ZDHHC17: variants seen among roughly 807,000 people sequenced by gnomAD.
ZDHHC17 encodes the protein zDHHC palmitoyltransferase 17.
Under a neutral mutation model 90.3 loss-of-function variants are expected in ZDHHC17, and 40 were observed. The observed-to-expected ratio is 0.44, with a 90% CI of 0.34 to 0.58. The LOEUF (loss-of-function observed/expected upper bound fraction) is 0.58. Ranked by LOEUF, ZDHHC17 falls within the 20% of genes least tolerant of loss-of-function variation. The pLI, the probability that ZDHHC17 is intolerant of heterozygous loss-of-function variation, is 0.01. For missense variants in ZDHHC17, 614 were observed against 780.8 expected (o/e 0.79, Z 2.55); for synonymous variants, 235 against 252.4 (o/e 0.93, Z 0.65).
chr12:76,785,377 T>G lies in ZDHHC17; in HGVS notation c.94-12057T>G, dbSNP rs75936509. On this transcript the variant is annotated intron_variant, in intron 1 of 16. Transcript: ENST00000426126. ...CATTTTTTTTGCAAACTTTTTGAAG[T>G]CCCCTCATACTCGTCACCTTACGAT... 3.3e-3 allele frequency among the ~76,000 whole-genome samples: 497 copies of G among 152,260 alleles called. 3 individuals carry two copies. The highest frequency in any genetic ancestry group is 0.011 in the African/African-American group (467 of 41,550).
chr12:76,810,081 C>G lies in ZDHHC17; in HGVS notation c.543+224C>G, dbSNP rs554378825. Among the ~76,000 whole-genome samples, 85 of 152,106 alleles carry G rather than the reference C, an allele frequency of 5.6e-4. 2 individuals are homozygous for G. The South Asian group carries it at 0.017, about 31-fold the overall frequency. On this transcript the variant is annotated intron_variant, in intron 5 of 16. Coordinates refer to ENST00000426126, the MANE Select transcript of ZDHHC17 (RefSeq NM_015336.4). ...AATGATGAAGTTGGGTTTTTTATTT[C>G]TAAGAGTAATGGAGATAAAGCTCAG...
intron 1 of ZDHHC17, among the ~76,000 whole-genome samples, chr12:76,766,812 G>A (rs2137703848): frequency 6.6e-6 from 1 of 152,148 alleles, no homozygotes; most frequent in East Asian, 1.9e-4. Context: ...TTGAGCCCAG[G>A]AGTTCGAGAC....
chr12:76,815,067 T>C, intron 5 of ZDHHC17, 79 bp from the exon 6 acceptor site: 4 of 906,804 alleles, frequency 4.4e-6, no homozygotes, highest in Non-Finnish European at 6.7e-6. Context: ...CTTTTATATA[T>C]AGATTAGATT....
chr12:76,850,646 A>T (rs1203430408), intron 16 of ZDHHC17, among the ~76,000 whole-genome samples: 3 of 152,262 alleles, frequency 2.0e-5, no homozygotes, highest in Non-Finnish European at 2.9e-5. Context: ...AATTGGCAAA[A>T]GAAAAAATCA....
intron 1 of ZDHHC17, among the ~76,000 whole-genome samples, chr12:76,772,827 G>A (rs1392040292): frequency 2.0e-5 from 3 of 151,624 alleles, no homozygotes; most frequent in Non-Finnish European, 4.4e-5. Flanking sequence ...TTACAGGCGT[G>A]AGCCACCGCG....
chr12:76,826,470 AT>A, intron 8 of ZDHHC17, among the ~76,000 whole-genome samples: 1 of 152,218 alleles, frequency 6.6e-6, no homozygotes, highest in East Asian at 1.9e-4. Context: ...ACTATTTATC[AT>A]TTGAAATGTC....
rs1953498929 is a variant in ZDHHC17, at chr12:76,846,695, T to G, written c.1507+16T>G. 1.9e-6 allele frequency: 3 copies of G among 1,581,008 alleles called. No homozygotes were observed. The highest frequency in any genetic ancestry group is 2.6e-6 in the Non-Finnish European group (3 of 1,159,030). On this transcript the variant is annotated intron_variant, in intron 14 of 16. Coordinates refer to ENST00000426126, the MANE Select transcript of ZDHHC17 (RefSeq NM_015336.4). ...TGTATATCTTGTGAGTACAATTAGTTTTCGGTCTTTTTAAAACAAATTTCT... is the reference window on the plus strand; with the variant it reads ...TGTATATCTTGTGAGTACAATTAGTGTTCGGTCTTTTTAAAACAAATTTCT...
chr12:76,764,182 G>A lies in ZDHHC17; in HGVS notation c.-55G>A. 2.3e-6 allele frequency: 2 copies of A among 859,932 alleles called. No homozygotes were observed. Among genetic ancestry groups the A allele is most frequent in the Non-Finnish European group, 3.3e-6 (2 of 600,312 alleles). 53.3% of individuals were successfully genotyped at this position (859,932 alleles called of 1,614,324 possible). A position where few individuals can be genotyped will look rare whatever the true frequency, so the allele number is the denominator to read the frequency against. Reference sequence around the variant, plus strand: ...CTCCGGCGGGGCTCGCGCTCGCCCCGCGCTCGCCCTCCGCCTCGCCCGAGC... The same window carrying A: ...CTCCGGCGGGGCTCGCGCTCGCCCCACGCTCGCCCTCCGCCTCGCCCGAGC... On this transcript the variant is annotated 5_prime_UTR_variant, in exon 1 of 17. Transcript: ENST00000426126.
intron 7 of ZDHHC17, among the ~76,000 whole-genome samples, chr12:76,819,611 A>T (rs941385113): frequency 5.3e-5 from 8 of 152,150 alleles, no homozygotes; most frequent in African/African-American, 1.9e-4. Context: ...TTAACTAGAG[A>T]TTTACCTTCA....
intron 12 of ZDHHC17, chr12:76,845,070 ACTT>A (rs1953478508): frequency 6.6e-6 from 1 of 151,882 alleles, no homozygotes; most frequent in Non-Finnish European, 1.5e-5. Context: ...AGAAATAGTG[ACTT>A]CTTAAGCATG....
At chr12:76,764,360 C>T (rs764260560) in intron 1 of ZDHHC17, 31 bp downstream of exon 1, 2 of 1,545,620 alleles carry the variant, frequency 1.3e-6, no homozygotes, top group African/African-American at 1.4e-5. Context: ...GATTCCTTGC[C>T]CTGCGGCCCT....
At chr12:76,801,243 GT>G (rs545164354) in intron 2 of ZDHHC17, among the ~76,000 whole-genome samples, 12 of 145,624 alleles carry the variant, frequency 8.2e-5, no homozygotes, top group East Asian at 2.0e-4. Context: ...CTGCATTACT[GT>G]TTTTTTTTTG....
intron 1 of ZDHHC17, among the ~76,000 whole-genome samples, chr12:76,791,101 TAAAAA>T (rs1952754419): frequency 6.6e-6 from 1 of 152,190 alleles, no homozygotes; most frequent in African/African-American, 2.4e-5. Context: ...TTGTGTCAAT[TAAAAA>T]TAAAAGCCGA....
intron 2 of ZDHHC17, among the ~76,000 whole-genome samples, chr12:76,800,375 C>A (rs1475902001): frequency 6.6e-6 from 1 of 152,154 alleles, no homozygotes; most frequent in Non-Finnish European, 1.5e-5. Context: ...GCCACAGTTT[C>A]CTTAAGTTCT....
chr12:76,798,080 A>G (rs750200214), intron 2 of ZDHHC17, among the ~76,000 whole-genome samples: 2 of 152,194 alleles, frequency 1.3e-5, no homozygotes, highest in Non-Finnish European at 2.9e-5. Flanking sequence ...GAGAATATTA[A>G]GGTTACTTAT....
intron 6 of ZDHHC17, among the ~76,000 whole-genome samples, 164 bp from the exon 7 acceptor site, chr12:76,815,693 A>G (rs1322481304): frequency 6.6e-6 from 1 of 151,938 alleles, no homozygotes; most frequent in African/African-American, 2.4e-5. Context: ...AATACTTCAT[A>G]TTAGAATATT....
intron 1 of ZDHHC17, among the ~76,000 whole-genome samples, chr12:76,783,222 C>T (rs142626704): frequency 1.1e-4 from 17 of 152,304 alleles, no homozygotes; most frequent in African/African-American, 4.1e-4. Context: ...AAACTCCAGT[C>T]ATGTGTATTA....
chr12:76,809,690 G>A, intron 4 of ZDHHC17, 23 bp from the exon 5 acceptor site: 11 of 1,416,482 alleles, frequency 7.8e-6, no homozygotes, highest in Non-Finnish European at 1.0e-5. Flanking sequence ...ATATATCTAA[G>A]TGTTTATTCT....
intron 1 of ZDHHC17, among the ~76,000 whole-genome samples, chr12:76,785,279 A>G (rs1224498651): frequency 1.3e-5 from 2 of 152,172 alleles, no homozygotes; most frequent in Non-Finnish European, 2.9e-5. Context: ...TGATATCATC[A>G]TTTACAAAAG....
Sources: gnomAD v4.1 joint callset for allele counts (sites outside exome capture counted in the v4.1 genomes callset) on GRCh38, gnomAD v4.1.1 for gene constraint, MANE v1.5 for transcripts, NCBI Gene and HGNC (gene_info 2026-07-23, HGNC 2026-07-21) for gene names.